COL4A4: variants seen among roughly 807,000 people sequenced by gnomAD.
COL4A4 encodes collagen alpha-4(IV) chain.
A neutral mutation model predicts 192.9 loss-of-function variants in COL4A4; 105 were observed. The observed-to-expected ratio is 0.54, with a 90% CI of 0.46 to 0.64. COL4A4 has a LOEUF of 0.64. COL4A4 is among the 30% of genes least tolerant of loss of function. The probability of loss-of-function intolerance (pLI) is 0.00; values close to 1 mark genes in which losing one functional copy is unlikely to be tolerated. For synonymous variants in COL4A4, 762 were observed against 769.9 expected (o/e 0.99, Z 0.17); for missense variants, 1,967 against 2,169.3 (o/e 0.91, Z 1.85).
intron 44 of COL4A4, among the ~76,000 whole-genome samples, chr2:227,019,376 T>C (rs1204602467): frequency 1.3e-5 from 2 of 152,234 alleles, no homozygotes; most frequent in African/African-American, 2.4e-5. Flanking sequence ...ATTCTGATTC[T>C]GTAGGTCTGG....
At chr2:227,109,469 C>T (rs1458518343) in intron 9 of COL4A4, 183 bp from the exon 10 acceptor site, 5 of 708,732 alleles carry the variant, frequency 7.1e-6, no homozygotes. Context: ...ACCAAGCAGT[C>T]CGGGCACGGT....
the COL4A4 span, among the ~76,000 whole-genome samples, chr2:226,993,272 T>G: frequency 6.6e-6 from 1 of 152,220 alleles, no homozygotes; most frequent in African/African-American, 2.4e-5. Flanking sequence ...TCAGCAGTCT[T>G]TCAGCCTCCA....
the COL4A4 span, among the ~76,000 whole-genome samples, chr2:226,981,943 T>A: frequency 6.6e-6 from 1 of 152,256 alleles, no homozygotes; most frequent in Non-Finnish European, 1.5e-5. Context: ...ATCGCCCTCA[T>A]GGTCCAAGTT....
At chr2:227,142,679 C>G (rs982629150) in intron 3 of COL4A4, among the ~76,000 whole-genome samples, 2 of 151,254 alleles carry the variant, frequency 1.3e-5, no homozygotes, top group African/African-American at 4.9e-5. Context: ...ATCACTTGAA[C>G]TGGGAGGCAG....
At chr2:227,161,958 T>C (rs1220998887) in intron 1 of COL4A4, among the ~76,000 whole-genome samples, 1 of 152,186 alleles carries the variant, frequency 6.6e-6, no homozygotes, top group East Asian at 1.9e-4. Context: ...AGAATCAAAT[T>C]TCACTATGTG....
At chr2:226,980,935 C>T in the COL4A4 span, among the ~76,000 whole-genome samples, 2,094 of 152,228 alleles carry the variant, frequency 0.014, 23 homozygotes, top group Non-Finnish European at 0.023. Context: ...TTGAATATCT[C>T]TCCGTAGCAG....
Position 227,007,027 on chromosome 2 carries a change from T to C in COL4A4, c.*298A>G, listed in dbSNP as rs962323281. On this transcript the variant is annotated 3_prime_UTR_variant, in exon 48 of 48. Transcript: ENST00000396625. ...AATGTAATTTGTAATCTGGCCTTTA[T>C]CATCTACTTGCCTTTCTGAGAATTA... is the stretch of plus-strand genomic sequence containing the variant. The C allele has an allele frequency of 9.2e-6, 4 of 434,230 alleles. No homozygotes were observed. Among genetic ancestry groups the C allele is most frequent in the Admixed American group, 3.6e-5 (1 of 28,108 alleles). 26.9% of individuals were successfully genotyped at this position (434,230 alleles called of 1,614,324 possible). A position where few individuals can be genotyped will look rare whatever the true frequency, so the allele number is the denominator to read the frequency against.
intron 44 of COL4A4, among the ~76,000 whole-genome samples, chr2:227,015,473 G>A (rs1349188934): frequency 6.6e-6 from 1 of 152,102 alleles, no homozygotes; most frequent in African/African-American, 2.4e-5. Context: ...GGATTCTGAT[G>A]GTTCATGAAG....
chr2:227,045,831 TACACACATATATATATAC>T (rs1431942702), intron 35 of COL4A4, among the ~76,000 whole-genome samples: 1,271 of 70,056 alleles, frequency 0.018, 368 homozygotes, highest in African/African-American at 0.09. Flanking sequence ...TATATATATA[TACACACATATATATATAC>T]ACATATATAT....
At position 227,051,040 on chromosome 2, in the gene COL4A4, TGG is replaced by T; in HGVS notation, c.3085_3086del (p.Pro1029ArgfsTer20). 1 of 1,614,230 alleles carries T rather than the reference TGG, an allele frequency of 6.2e-7. No homozygotes were observed. Among genetic ancestry groups the T allele is most frequent in the Non-Finnish European group, 8.5e-7 (1 of 1,180,034 alleles). ...TTAGACCAGTTGAGCCTGGAGGGCC[TGG>T]GGGTCCAGGAGGCCCTGGCTGACCT... ...EKGQPGPPGP[P>X]GPPGSTGLRG... On this transcript the variant is annotated frameshift_variant, in exon 33 of 48. Coordinates refer to ENST00000396625, the MANE Select transcript of COL4A4 (RefSeq NM_000092.5). LOFTEE classifies it high-confidence loss of function.
chr2:226,973,106 T>G, the COL4A4 span, among the ~76,000 whole-genome samples: 1 of 152,202 alleles, frequency 6.6e-6, no homozygotes, highest in South Asian at 2.1e-4. Flanking sequence ...CTCCCTGGAC[T>G]TCAGCCTCGG....
intron 44 of COL4A4, among the ~76,000 whole-genome samples, chr2:227,015,984 A>T (rs185529309): frequency 8.6e-5 from 13 of 151,732 alleles, no homozygotes; most frequent in African/African-American, 3.1e-4. Flanking sequence ...TGCCTCCCCC[A>T]TAGGCTAAAG....
At chr2:227,028,721 T>A (rs995022536) in intron 41 of COL4A4, among the ~76,000 whole-genome samples, 3 of 151,456 alleles carry the variant, frequency 2.0e-5, no homozygotes, top group African/African-American at 7.3e-5. Flanking sequence ...AGTGGCACAA[T>A]CATTGCTCAC....
At chr2:227,049,933 G>A in intron 34 of COL4A4, 135 bp downstream of exon 34, 1 of 796,508 alleles carries the variant, frequency 1.3e-6, no homozygotes, top group East Asian at 2.5e-5. Context: ...GTGTTTGACT[G>A]TCTAACAAGA....
At chr2:227,087,628 T>C (rs2059675049) in intron 22 of COL4A4, among the ~76,000 whole-genome samples, 1 of 152,166 alleles carries the variant, frequency 6.6e-6, no homozygotes, top group African/African-American at 2.4e-5. Context: ...CATTAAGGCA[T>C]TGGCTGTCAT....
Position 227,011,971 on chromosome 2 carries a change from G to A in COL4A4, c.4333+210C>T, listed in dbSNP as rs35483183. ...TGAATAGGATGCAGGGCCTTGTCTA[G>A]GTTTTATGATGGTTTAACATCAGTT... is the stretch of plus-strand genomic sequence containing the variant. On this transcript the variant is annotated intron_variant, in intron 45 of 47. Coordinates refer to ENST00000396625, the MANE Select transcript of COL4A4 (RefSeq NM_000092.5). Among the ~76,000 whole-genome samples, 12,917 of 152,218 alleles carry A rather than the reference G, an allele frequency of 0.085. 688 individuals carry two copies. The highest frequency in any genetic ancestry group is 0.12 in the Non-Finnish European group (8,231 of 67,996).
At position 227,051,139 on chromosome 2, in the gene COL4A4, CCCGGGAGTT is replaced by C. The variant is rs1465904817; in HGVS notation, c.2979_2987del (p.Thr994_Gly996del). 1.9e-6 allele frequency: 3 copies of C among 1,614,026 alleles called. No individual in the cohort carries two copies. In the African/African-American group the frequency reaches 4.0e-5, roughly 22 times the overall value. On this transcript the variant is annotated inframe_deletion, in exon 33 of 48. Coordinates refer to ENST00000396625, the MANE Select transcript of COL4A4 (RefSeq NM_000092.5). ...CCGGCTCTCCTCTTCTCCCTTGCAT[CCCGGGAGTT>C]CCTTTATCACCTGATGAAGTTGGAA...
In COL4A4 at chr2:227,095,936, C is replaced by T. The variant is rs535038431; in HGVS notation, c.1205-1647G>A. ...AACAAAAAAAAAGATAGCCGGAAGC[C>T]TCTGTGAGAGTGACCACCTCTCACA... On this transcript the variant is annotated intron_variant, in intron 19 of 47. Coordinates refer to ENST00000396625, the MANE Select transcript of COL4A4 (RefSeq NM_000092.5). 2.6e-4 allele frequency among the ~76,000 whole-genome samples: 40 copies of T among 152,176 alleles called. No homozygotes were observed. In the East Asian group the frequency reaches 7.1e-3, roughly 27 times the overall value.
chr2:227,051,855 C>CA (rs918293761), intron 32 of COL4A4, among the ~76,000 whole-genome samples: 1 of 151,830 alleles, frequency 6.6e-6, no homozygotes, highest in Admixed American at 6.6e-5. Context: ...CATGGAGAAG[C>CA]AAAAAATGTA....
Sources: gnomAD v4.1 joint callset for allele counts (sites outside exome capture counted in the v4.1 genomes callset) on GRCh38, gnomAD v4.1.1 for gene constraint, MANE v1.5 for transcripts, NCBI Gene and HGNC (gene_info 2026-07-23, HGNC 2026-07-21) for gene names.